Variants in DNAH2 observed in about 807,000 individuals in gnomAD.
DNAH2 encodes the protein axonemal beta dynein heavy chain 2.
Under a neutral mutation model 523.5 loss-of-function variants are expected in DNAH2, and 323 were observed. That is an observed-to-expected ratio of 0.62 (90% CI 0.56 to 0.68). The LOEUF is 0.68. Ranked by LOEUF, DNAH2 falls within the 30% of genes least tolerant of loss-of-function variation. The pLI is 0.00. For synonymous variants in DNAH2, 2,093 were observed against 2,177.4 expected (o/e 0.96, Z 1.08); for missense variants, 4,907 against 5,701.5 (o/e 0.86, Z 4.49).
At chr17:7,801,487 C>G (rs73232369) in intron 56 of DNAH2, 91 bp from the exon 57 acceptor site, 26,442 of 1,570,578 alleles carry the variant, frequency 0.017, 1,182 homozygotes, top group East Asian at 0.14. Context: ...ATTTTAGGTT[C>G]TTAGAAAGTG....
At chr17:7,721,879 C>A (rs72829783) in intron 2 of DNAH2, among the ~76,000 whole-genome samples, 1 of 152,168 alleles carries the variant, frequency 6.6e-6, no homozygotes, top group East Asian at 1.9e-4. Context: ...TTCCTATGAG[C>A]CCCAACTTCT....
chr17:7,741,141 G>C (rs926428489), intron 11 of DNAH2, 149 bp downstream of exon 11: 2 of 953,936 alleles, frequency 2.1e-6, no homozygotes, highest in South Asian at 4.7e-5. Context: ...GAGGTCAGTC[G>C]TGGGTTAAGA....
intron 76 of DNAH2, 47 bp from the exon 77 acceptor site, chr17:7,824,490 G>A: frequency 6.8e-7 from 1 of 1,479,988 alleles, no homozygotes; most frequent in Non-Finnish European, 9.0e-7. Context: ...ATGAGGACAG[G>A]CAGGGCTTAG....
chr17:7,792,844 A>G lies in DNAH2; in HGVS notation c.7333A>G (p.Met2445Val). 1 of 1,613,916 alleles carries G rather than the reference A, an allele frequency of 6.2e-7. No individual in the cohort carries two copies. The highest frequency in any genetic ancestry group is 8.5e-7 in the Non-Finnish European group (1 of 1,179,832). Residue 2445 changes from methionine to valine, a missense_variant, in exon 47 of 86, where the codon ATG becomes GTG. This residue lies in a region of DNAH2 where 2,806 missense variants were observed against 3,190.8 expected (regional missense o/e 0.88). Coordinates refer to ENST00000572933, the MANE Select transcript of DNAH2 (RefSeq NM_020877.5). ...CCAGTGGTCGGTGCTCGTTGTCAACATGTCCGCACAGGTGTGTCGGGGATC... is the reference window on the plus strand; with the variant it reads ...CCAGTGGTCGGTGCTCGTTGTCAACGTGTCCGCACAGGTGTGTCGGGGATC... ...SSQWSVLVVN[M>V]SAQTTSNNVQ...
chr17:7,757,320 AT>A (rs1567647667), intron 13 of DNAH2, 83 bp downstream of exon 13: 2 of 1,486,128 alleles, frequency 1.3e-6, no homozygotes, highest in Non-Finnish European at 1.8e-6. Context: ...AATGTTGTTC[AT>A]TTTCTACAAT....
At chr17:7,799,350 C>G in intron 56 of DNAH2, 108 bp downstream of exon 56, 1 of 1,445,468 alleles carries the variant, frequency 6.9e-7, no homozygotes, top group Non-Finnish European at 9.4e-7. Flanking sequence ...GCAGGCTCCT[C>G]TGCCCGCCTC....
intron 63 of DNAH2, among the ~76,000 whole-genome samples, chr17:7,813,410 A>T (rs1298238330): frequency 6.6e-6 from 1 of 151,994 alleles, no homozygotes; most frequent in African/African-American, 2.4e-5. Flanking sequence ...GATATTTATT[A>T]CAGCGTTGTT....
rs1229085813 is a variant in DNAH2 at position 7,797,472 on chromosome 17, C to A, written c.8022C>A (p.Gly2674=). 2 of 1,614,208 alleles carry A rather than the reference C, an allele frequency of 1.2e-6. No homozygotes were observed. Among genetic ancestry groups the A allele is most frequent in the Non-Finnish European group, 8.5e-7 (1 of 1,180,048 alleles). ...AFMGIISDKL[G]SFFDLTFHHL... ...TGGGCATCATAAGCGACAAGCTCGG[C>A]TCCTTCTTTGACCTCACATTTCATC... The change falls in exon 52 of 86, where the codon GGC becomes GGA. Residue 2674 remains glycine, a synonymous_variant. Coordinates refer to ENST00000572933, the MANE Select transcript of DNAH2 (RefSeq NM_020877.5).
At chr17:7,805,423 T>G (rs768400229) in intron 61 of DNAH2, 30 bp downstream of exon 61, 18 of 1,613,488 alleles carry the variant, frequency 1.1e-5, no homozygotes, top group Non-Finnish European at 1.4e-5. Flanking sequence ...ATCAATGACT[T>G]CCACTCACCC....
At position 7,734,477 on chromosome 17, in the gene DNAH2, G is replaced by A. The variant is rs149143405; in HGVS notation, c.747G>A (p.Met249Ile). ...TTGTACTCTCCCCTGCAGCCTCCAT[G>A]ATCCACTGGACCCGGCAGATAAAGG... ...KELVQRLETS[M>I]IHWTRQIKEM... Residue 249 changes from methionine to isoleucine, a missense_variant, in exon 7 of 86, where the codon ATG (methionine) becomes ATA (isoleucine). By Grantham distance (10) the Met-to-Ile change is conservative. Coordinates refer to ENST00000572933, the MANE Select transcript of DNAH2 (RefSeq NM_020877.5). 422 of 1,613,900 alleles carry A rather than the reference G, an allele frequency of 2.6e-4. 2 individuals are homozygous for A. In the East Asian group the frequency reaches 3.0e-3, roughly 11 times the overall value.
At chr17:7,817,138 C>T (rs1303547939) in intron 64 of DNAH2, 152 bp from the exon 65 acceptor site, 1 of 1,062,846 alleles carries the variant, frequency 9.4e-7, no homozygotes, top group African/African-American at 1.6e-5. Context: ...TAATTAGAAC[C>T]AGGCTAGAGT....
intron 28 of DNAH2, among the ~76,000 whole-genome samples, chr17:7,774,092 A>G (rs1227547992): frequency 1.3e-5 from 2 of 152,162 alleles, no homozygotes; most frequent in Non-Finnish European, 2.9e-5. Flanking sequence ...CTTTTCACTT[A>G]AAGGAAGGAA....
At chr17:7,738,195 T>G (rs568260831) in intron 8 of DNAH2, 3 of 681,342 alleles carry the variant, frequency 4.4e-6, no homozygotes, top group Admixed American at 4.1e-5. Flanking sequence ...TTCTGACTTC[T>G]TTCCTGTACA....
At chr17:7,767,788 G>A in intron 22 of DNAH2, 112 bp from the exon 23 acceptor site, 1 of 1,409,280 alleles carries the variant, frequency 7.1e-7, no homozygotes, top group Non-Finnish European at 9.7e-7. Flanking sequence ...GGAGGCCGCT[G>A]TATTATCTAG....
chr17:7,832,649 T>A lies in DNAH2; in HGVS notation c.12797T>A (p.Leu4266Gln). The A allele has an allele frequency of 6.2e-7, 1 of 1,614,166 alleles. No homozygotes were observed. The highest frequency in any genetic ancestry group is 1.3e-5 in the African/African-American group (1 of 75,040). ...GCCATGCGTGTGGAGCAGTTTGAGC[T>A]GTGGGCCAGCCGGGCCCGGCCTCCT... Reference protein sequence around the residue: ...DLAMRVEQFELWASRARPPVI... With the variant: ...DLAMRVEQFEQWASRARPPVI... Residue 4266 changes from leucine (L) to glutamine (Q), a missense_variant, in exon 83 of 86, where the codon CTG becomes CAG. By Grantham distance (113) the Leu-to-Gln change is moderately radical. Coordinates refer to ENST00000572933, the MANE Select transcript of DNAH2 (RefSeq NM_020877.5). The surrounding 1 kb of genome is among the most constrained non-coding windows in gnomAD (Gnocchi z 4.3).
chr17:7,801,807 C>T (rs1597711488), intron 57 of DNAH2, 71 bp from the exon 58 acceptor site: 2 of 1,610,380 alleles, frequency 1.2e-6, no homozygotes, highest in African/African-American at 1.3e-5. Context: ...CTTCCCGCCT[C>T]TCATCGCACT....
chr17:7,780,534 T>A lies in DNAH2; in HGVS notation c.5851-96T>A. 6.4e-7 allele frequency: 1 copy of A among 1,550,956 alleles called. No homozygotes were observed. Among genetic ancestry groups the A allele is most frequent in the Non-Finnish European group, 8.8e-7 (1 of 1,142,550 alleles). ...TAGAGTGCCTCCTAGCTGCTTCATG[T>A]CCTGGGACCTGGCTTCTTGTCTCTG... On this transcript the variant is annotated intron_variant, in intron 37 of 85. Coordinates refer to ENST00000572933, the MANE Select transcript of DNAH2 (RefSeq NM_020877.5). The surrounding 1 kb of genome is among the most constrained non-coding windows in gnomAD (Gnocchi z 4.4).
chr17:7,720,574 G>T (rs1444045120), intron 2 of DNAH2, among the ~76,000 whole-genome samples: 1 of 152,188 alleles, frequency 6.6e-6, no homozygotes, highest in Non-Finnish European at 1.5e-5. Context: ...TGCTATTGCT[G>T]GGATCTCCCT....
At position 7,779,285 on chromosome 17, in the gene DNAH2, A is replaced by T; in HGVS notation, c.5584A>T (p.Ile1862Phe). 1 of 1,614,152 alleles carries T rather than the reference A, an allele frequency of 6.2e-7. No individual in the cohort carries two copies. Among genetic ancestry groups the T allele is most frequent in the Admixed American group, 1.7e-5 (1 of 60,024 alleles). The change falls in exon 36 of 86, where the codon ATC becomes TTC. Residue 1862 changes from isoleucine (I) to phenylalanine (F), a missense_variant. Coordinates refer to ENST00000572933, the MANE Select transcript of DNAH2 (RefSeq NM_020877.5). Reference sequence around the variant, plus strand: ...CTTTGATGAGTTTAACCGCATCAACATCGAGGTGCTGTCAGTGGTGGCCCA... The same window carrying T: ...CTTTGATGAGTTTAACCGCATCAACTTCGAGGTGCTGTCAGTGGTGGCCCA... ...GCFDEFNRINIEVLSVVAHQI... is the reference protein window; with the variant it reads ...GCFDEFNRINFEVLSVVAHQI...
Sources: gnomAD v4.1 joint callset for allele counts (sites outside exome capture counted in the v4.1 genomes callset) on GRCh38, gnomAD v4.1.1 for gene constraint, gnomAD v4.1.1 regional missense constraint, Gnocchi (gnomAD v3.1) non-coding constraint, MANE v1.5 for transcripts, NCBI Gene and HGNC (gene_info 2026-07-23, HGNC 2026-07-21) for gene names.